The following ZNF782 variants were observed in gnomAD, a reference collection of about 807,000 sequenced individuals.
The protein encoded by ZNF782 is zinc finger protein 782.
A neutral mutation model predicts 13.0 loss-of-function variants in ZNF782; 12 were observed. That is an observed-to-expected ratio of 0.92 (90% confidence interval 0.59 to 1.50). The LOEUF (loss-of-function observed/expected upper bound fraction) is 1.50. Among genes scored for constraint, ZNF782 ranks in the 40% most tolerant of loss-of-function variants. ZNF782 has a pLI of 0.00. For synonymous variants in ZNF782, 284 were observed against 283.0 expected (o/e 1.00, Z -0.04); for missense variants, 770 against 822.9 (o/e 0.94, Z 0.79).
upstream of ZNF782, among the ~76,000 whole-genome samples, chr9:96,855,998 T>C (rs1424753513): frequency 1.3e-5 from 2 of 152,252 alleles, no homozygotes; most frequent in Non-Finnish European, 2.9e-5. Flanking sequence ...TCATTAGTGA[T>C]GTTGAGCATT....
chr9:96,844,307 T>G (rs955408209), intron 4 of ZNF782, among the ~76,000 whole-genome samples: 1 of 152,316 alleles, frequency 6.6e-6, no homozygotes, highest in South Asian at 2.1e-4. Context: ...TCATAGCAGC[T>G]TTACTCAGAA....
At chr9:96,929,853 T>TA in the ZNF782 span, among the ~76,000 whole-genome samples, 1 of 151,780 alleles carries the variant, frequency 6.6e-6, no homozygotes, top group Non-Finnish European at 1.5e-5. Context: ...CCATTTATAC[T>TA]ACCTCATGAA....
At chr9:96,892,804 T>C in the ZNF782 span, 9 of 152,262 alleles carry the variant, frequency 5.9e-5, no homozygotes, top group African/African-American at 1.9e-4. Flanking sequence ...ATATCATTCG[T>C]GAACATTTAA....
At chr9:96,879,094 A>G (rs1243903571), upstream of ZNF782, among the ~76,000 whole-genome samples, 1 of 152,258 alleles carries the variant, frequency 6.6e-6, no homozygotes, top group Non-Finnish European at 1.5e-5. Flanking sequence ...CACTTATTGA[A>G]AACCTGCTGT....
At chr9:96,927,069 C>T in the ZNF782 span, among the ~76,000 whole-genome samples, 53 of 152,066 alleles carry the variant, frequency 3.5e-4, no homozygotes, top group South Asian at 1.5e-3. Flanking sequence ...GTCATTCTGA[C>T]GCTGATAAAC....
chr9:96,838,717 CTT>C (rs139436021), intron 4 of ZNF782, among the ~76,000 whole-genome samples: 20 of 136,122 alleles, frequency 1.5e-4, no homozygotes, highest in Non-Finnish European at 1.8e-4. Context: ...TTTTTCTTTT[CTT>C]TTTTTTTTTT....
chr9:96,862,826 A>G (rs1373023203), intron 1 of ZNF782, among the ~76,000 whole-genome samples: 1 of 152,246 alleles, frequency 6.6e-6, no homozygotes, highest in Admixed American at 6.5e-5. Context: ...AAAATTCATA[A>G]TTATGAACAC....
In ZNF782 at chr9:96,850,036, G is replaced by C. The variant is rs2118789342; in HGVS notation, c.15+1911C>G. ...GATATTTGCATGGATGTGAAGAAAA[G>C]GGAATGCTTATACGCTGCTGGTAGG... On this transcript the variant is annotated intron_variant, in intron 3 of 5. Coordinates refer to ENST00000481138, the MANE Select transcript of ZNF782 (RefSeq NM_001001662.3). The surrounding 1 kb of genome is among the most constrained non-coding windows in gnomAD (Gnocchi z 4.3). Among the ~76,000 whole-genome samples, 1 of 152,278 alleles carries C rather than the reference G, an allele frequency of 6.6e-6. No individual in the cohort carries two copies. The highest frequency in any genetic ancestry group is 1.9e-4 in the East Asian group (1 of 5,178).
At chr9:96,903,810 C>A in the ZNF782 span, among the ~76,000 whole-genome samples, 2 of 151,770 alleles carry the variant, frequency 1.3e-5, no homozygotes, top group Admixed American at 1.3e-4. Context: ...GATCCACCTG[C>A]CTCGGCCTCC....
chr9:96,852,343 T>A lies in ZNF782; in HGVS notation c.-44-338A>T, dbSNP rs539074725. 2.0e-5 allele frequency among the ~76,000 whole-genome samples: 3 copies of A among 152,356 alleles called. No homozygotes were observed. In the South Asian group the frequency reaches 6.2e-4, roughly 32 times the overall value. ...CACCACAGGGTAAGACACTATTCTT[T>A]CATTAAAATTAACCTAGCAGGTACT... On this transcript the variant is annotated intron_variant, in intron 2 of 5. Coordinates refer to ENST00000481138, the MANE Select transcript of ZNF782 (RefSeq NM_001001662.3).
At chr9:96,820,313 C>G (rs1850368495) in intron 5 of ZNF782, among the ~76,000 whole-genome samples, 1 of 152,154 alleles carries the variant, frequency 6.6e-6, no homozygotes, top group African/African-American at 2.4e-5. Flanking sequence ...TTCCATTCTA[C>G]ACATCACAAA....
chr9:96,825,645 G>A (rs77142039), intron 5 of ZNF782, among the ~76,000 whole-genome samples: 4 of 151,972 alleles, frequency 2.6e-5, no homozygotes, highest in East Asian at 3.9e-4. Context: ...GAAAATTTTC[G>A]CAACCTACTC....
At chr9:96,902,932 A>G in the ZNF782 span, 1 of 151,292 alleles carries the variant, frequency 6.6e-6, no homozygotes, top group Non-Finnish European at 1.5e-5. Flanking sequence ...GATCCGAAGT[A>G]GCTGCGATTA....
the ZNF782 span, among the ~76,000 whole-genome samples, chr9:96,922,794 A>C: frequency 1.3e-5 from 2 of 152,150 alleles, no homozygotes; most frequent in Non-Finnish European, 2.9e-5. Flanking sequence ...AAAAATTATA[A>C]CTTGGGGGAA....
the ZNF782 span, among the ~76,000 whole-genome samples, chr9:96,897,236 T>G: frequency 6.6e-6 from 1 of 152,162 alleles, no homozygotes; most frequent in African/African-American, 2.4e-5. Flanking sequence ...TACATTTGCC[T>G]CCAATGGGCA....
chr9:96,925,628 C>CAAA, the ZNF782 span, among the ~76,000 whole-genome samples: 82 of 85,546 alleles, frequency 9.6e-4, 1 homozygote, highest in East Asian at 3.2e-3. Flanking sequence ...GACTCTATCT[C>CAAA]AAAAAAAAAA....
the ZNF782 span, among the ~76,000 whole-genome samples, chr9:96,921,719 C>T: frequency 2.1e-5 from 3 of 146,020 alleles, no homozygotes; most frequent in Non-Finnish European, 4.5e-5. Flanking sequence ...GATGGAGTCT[C>T]GCTCTGTCAC....
At chr9:96,863,237 G>T (rs2118865458) in intron 1 of ZNF782, among the ~76,000 whole-genome samples, 1 of 151,732 alleles carries the variant, frequency 6.6e-6, no homozygotes, top group Non-Finnish European at 1.5e-5. Flanking sequence ...ACATCTATTT[G>T]TCTTTTTAGA....
the ZNF782 span, among the ~76,000 whole-genome samples, chr9:96,903,649 G>A: frequency 5.7e-5 from 7 of 123,498 alleles, no homozygotes; most frequent in African/African-American, 1.2e-4. Flanking sequence ...TGCAAGCTCC[G>A]CCTCCTGGGT....
Sources: allele counts gnomAD v4.1 joint callset (sites outside exome capture counted in the v4.1 genomes callset), GRCh38; gene constraint gnomAD v4.1.1; non-coding constraint Gnocchi (gnomAD v3.1); transcripts MANE v1.5; gene names NCBI Gene and HGNC (gene_info 2026-07-23, HGNC 2026-07-21).